Variants in HNRNPK observed in about 807,000 individuals in gnomAD.
HNRNPK encodes the protein dC-stretch binding protein.
A neutral mutation model predicts 67.0 loss-of-function variants in HNRNPK; 7 were observed. The observed-to-expected ratio is 0.10, with a 90% CI of 0.06 to 0.20. The LOEUF is 0.20. Among genes scored for constraint, HNRNPK ranks in the 10% least tolerant of loss-of-function variants. HNRNPK has a pLI of 1.00. For missense variants in HNRNPK, 264 were observed against 606.5 expected, an observed-to-expected ratio of 0.44 and a Z score of 5.93; for synonymous variants, 213 against 193.7, an observed-to-expected ratio of 1.10 and a Z score of -0.83.
At chr9:83,976,717 T>C (rs998727018) in intron 5 of HNRNPK, 3 of 289,106 alleles carry the variant, frequency 1.0e-5, no homozygotes, top group Non-Finnish European at 6.3e-6. Flanking sequence ...TGTCGCTATT[T>C]CTAATTAAGA....
At chr9:83,980,340 CG>C (rs1239467492), upstream of HNRNPK, 2 of 152,302 alleles carry the variant, frequency 1.3e-5, no homozygotes, top group African/African-American at 4.8e-5. Context: ...ATCAAGGCGA[CG>C]GAGGAGGCGA....
Position 83,974,574 on chromosome 9 carries a change from A to C in HNRNPK, c.273T>G (p.Ser91Arg). ...TTTCTCCAATTGTTTCAATATCAGC[A>C]CTGATACTCAATATGCTGTCAAACA... Reference protein sequence around the residue: ...SSGPERILSISADIETIGEIL... With the variant: ...SSGPERILSIRADIETIGEIL... The change falls in exon 7 of 17, where the codon AGT becomes AGG. Residue 91 changes from serine to arginine, a missense_variant. Ser to Arg is a moderately radical substitution (Grantham distance 110). Around this residue, in one of 6 missense-constraint regions of HNRNPK, gnomAD observed 39 missense variants for 54.4 expected, o/e 0.72. Coordinates refer to ENST00000376263, the MANE Select transcript of HNRNPK (RefSeq NM_031263.4). The C allele has an allele frequency of 6.2e-7, 1 of 1,603,968 alleles. No individual in the cohort carries two copies.
At chr9:83,973,016 A>G in intron 9 of HNRNPK, 44 bp from the exon 10 acceptor site, 2 of 1,428,168 alleles carry the variant, frequency 1.4e-6, no homozygotes, top group Non-Finnish European at 1.9e-6. Flanking sequence ...TTAGAAGAAA[A>G]TTAGCTTTCC....
At position 83,973,307 on chromosome 9, in the gene HNRNPK, A is replaced by G. The variant is rs753446007; in HGVS notation, c.495T>C (p.Ala165=). Residue 165 remains alanine, a synonymous_variant, in exon 9 of 17, where the codon GCT becomes GCC. Coordinates refer to ENST00000376263, the MANE Select transcript of HNRNPK (RefSeq NM_031263.4). ...TTACCTCTCGAAGTTCTTTGATTTTAGCACCTTTGACCCCAATAATTCCTC... is the reference window on the plus strand; with the variant it reads ...TTACCTCTCGAAGTTCTTTGATTTTGGCACCTTTGACCCCAATAATTCCTC... ...LAGGIIGVKG[A]KIKELRENTQ... The G allele has an allele frequency of 1.3e-6, 2 of 1,595,560 alleles. No homozygotes were observed. Among genetic ancestry groups the G allele is most frequent in the Non-Finnish European group, 8.6e-7 (1 of 1,165,242 alleles).
In HNRNPK at chr9:83,977,774, G is replaced by C. The variant is rs569208940; in HGVS notation, c.71C>G (p.Ala24Gly). The change falls in exon 4 of 17, where the codon GCA (alanine) becomes GGA (glycine). Residue 24 changes from alanine (A) to glycine (G), a missense_variant. By Grantham distance (60) the Ala-to-Gly change is moderately conservative. Coordinates refer to ENST00000376263, the MANE Select transcript of HNRNPK (RefSeq NM_031263.4). ...ETNGEFGKRPAEDMEEEQAFK... is the reference protein window; with the variant it reads ...ETNGEFGKRPGEDMEEEQAFK... ...TGCTTGTTCCTCTTCCATATCTTCT[G>C]CAGGGCGTTTACCTAAAAATTAACA... The C allele has an allele frequency of 1.7e-5, 28 of 1,602,160 alleles. No individual in the cohort carries two copies. The highest frequency in any genetic ancestry group is 2.4e-5 in the Non-Finnish European group (28 of 1,170,438).
upstream of HNRNPK, chr9:83,980,262 G>C (rs1957330881): frequency 6.6e-6 from 1 of 152,412 alleles, no homozygotes; most frequent in African/African-American, 2.4e-5. Context: ...CCCCGCCGTC[G>C]CGCCCTATTG....
In HNRNPK at chr9:83,978,262, T is replaced by C; in HGVS notation, c.-10A>G. 2 of 1,611,508 alleles carry C rather than the reference T, an allele frequency of 1.2e-6. No homozygotes were observed. The highest frequency in any genetic ancestry group is 1.7e-6 in the Non-Finnish European group (2 of 1,178,986). ...GCTGTTCAGTTTCCATATTCTTTTA[T>C]TAAACGGGCACACCAATCTGTGGAA... On this transcript the variant is annotated 5_prime_UTR_variant, in exon 3 of 17. Coordinates refer to ENST00000376263, the MANE Select transcript of HNRNPK (RefSeq NM_031263.4).
Position 83,971,914 on chromosome 9 carries a change from A to G in HNRNPK, c.921T>C (p.Leu307=). The change falls in exon 11 of 17, where the codon CTT becomes CTC. Residue 307 remains leucine (L), a synonymous_variant. Transcript: ENST00000376263. ...GGRGGSRARN[L]PLPPPPPPRG... Reference sequence around the variant, plus strand: ...TAGGTGGTGGTGGTGGAGGAAGAGGAAGATTCCGAGCTCTGCTACCACCCC... The same window carrying G: ...TAGGTGGTGGTGGTGGAGGAAGAGGGAGATTCCGAGCTCTGCTACCACCCC... The G allele has an allele frequency of 6.4e-7, 1 of 1,566,798 alleles. No homozygotes were observed. The highest frequency in any genetic ancestry group is 1.7e-4 in the Middle Eastern group (1 of 5,796).
At chr9:83,971,766 A>G (rs991278503) in intron 11 of HNRNPK, 40 bp from the exon 12 acceptor site, 7 of 1,601,580 alleles carry the variant, frequency 4.4e-6, no homozygotes, top group Middle Eastern at 1.7e-4. Context: ...ACGTGCTTAC[A>G]TGCCACACAT....
chr9:83,970,080 A>G (rs929788394), intron 16 of HNRNPK, 82 bp downstream of exon 16: 12 of 1,220,624 alleles, frequency 9.8e-6, no homozygotes, highest in African/African-American at 3.0e-5. Context: ...ATGGCTTCTA[A>G]AAGAAAAAAA....
At chr9:83,974,763 C>A (rs1485516094) in intron 6 of HNRNPK, 174 bp from the exon 7 acceptor site, 3 of 577,736 alleles carry the variant, frequency 5.2e-6, no homozygotes, top group Admixed American at 6.3e-5. Flanking sequence ...GTTTTATACC[C>A]AATACAGACA....
chr9:83,969,216 T>C lies in HNRNPK; in HGVS notation c.*191A>G, dbSNP rs376145578. The C allele has an allele frequency of 1.5e-6, 1 of 646,454 alleles. No homozygotes were observed. The highest frequency in any genetic ancestry group is 2.8e-5 in the Admixed American group (1 of 35,546). 40.0% of individuals were successfully genotyped at this position (646,454 alleles called of 1,614,324 possible). ...ACCCTGTTTGTAAGGAACTAAAACA[T>C]TACATCTGGTGAACAGCAAAGATTT... On this transcript the variant is annotated 3_prime_UTR_variant, in exon 17 of 17. Coordinates refer to ENST00000376263, the MANE Select transcript of HNRNPK (RefSeq NM_031263.4).
rs1183664748 is a variant in HNRNPK, at chr9:83,969,277, A to C, written c.*130T>G. The stretch of plus-strand genomic sequence containing the variant: ...CAAATGCAGAACACCTATGAAGCAG[A>C]GGAATGTTGGCTTTTTAAACAGAAG... On this transcript the variant is annotated 3_prime_UTR_variant, in exon 17 of 17. Transcript: ENST00000376263. 1 of 744,314 alleles carries C rather than the reference A, an allele frequency of 1.3e-6. No homozygotes were observed. Among genetic ancestry groups the C allele is most frequent in the Non-Finnish European group, 2.4e-6 (1 of 412,274 alleles). The allele number at this position is 744,314 out of a possible 1,614,324, so 46.1% of individuals were successfully genotyped here. A position where few individuals can be genotyped will look rare whatever the true frequency, so the allele number is the denominator to read the frequency against.
chr9:83,974,994 G>A (rs1322503736), intron 6 of HNRNPK, among the ~76,000 whole-genome samples: 1 of 152,208 alleles, frequency 6.6e-6, no homozygotes, highest in Non-Finnish European at 1.5e-5. Flanking sequence ...CATTGTATCT[G>A]GAGTAAGGTT....
chr9:83,971,373 C>T lies in HNRNPK; in HGVS notation c.1009-17G>A, dbSNP rs1225799510. 2 of 1,528,602 alleles carry T rather than the reference C, an allele frequency of 1.3e-6. No individual in the cohort carries two copies. The highest frequency in any genetic ancestry group is 1.8e-6 in the Non-Finnish European group (2 of 1,102,386). The allele number at this position is 1,528,602 out of a possible 1,614,324, so 94.7% of individuals were successfully genotyped here. Reference sequence around the variant, plus strand: ...GAAACCAACCTGTTAGAGATAAAAACATTAACATGAACCCGCATTGTATTT... The same window carrying T: ...GAAACCAACCTGTTAGAGATAAAAATATTAACATGAACCCGCATTGTATTT... On this transcript the variant is annotated splice_polypyrimidine_tract_variant and intron_variant, in intron 12 of 16. Transcript: ENST00000376263.
chr9:83,973,945 G>T lies in HNRNPK; in HGVS notation c.359C>A (p.Thr120Asn). The T allele has an allele frequency of 6.2e-7, 1 of 1,613,792 alleles. No homozygotes were observed. Among genetic ancestry groups the T allele is most frequent in the East Asian group, 2.2e-5 (1 of 44,870 alleles). The stretch of plus-strand genomic sequence containing the variant: ...ATCAGATTCGAGCGGGAGCTGGCTG[G>T]TTGCAGTGGGTGATGGCAACTGCAG... ...EGLQLPSPTATSQLPLESDAV... is the reference protein window; with the variant it reads ...EGLQLPSPTANSQLPLESDAV... Residue 120 changes from threonine to asparagine, a missense_variant, in exon 8 of 17, where the codon ACC becomes AAC. Around this residue, in one of 6 missense-constraint regions of HNRNPK, gnomAD observed 39 missense variants for 54.4 expected, o/e 0.72. Transcript: ENST00000376263.
chr9:83,970,583 A>T lies in HNRNPK; in HGVS notation c.1191+154T>A, dbSNP rs1049381888. On this transcript the variant is annotated intron_variant, in intron 15 of 16. Coordinates refer to ENST00000376263, the MANE Select transcript of HNRNPK (RefSeq NM_031263.4). ...TAGCACTGATCACTTGACAAGACTC[A>T]AACAGCTGAAAACCCAGCTCACTAA... 6.3e-5 allele frequency: 42 copies of T among 669,412 alleles called. 2 individuals are homozygous for T. The South Asian group carries it at 7.7e-4, about 12-fold the overall frequency. 41.5% of individuals were successfully genotyped at this position (669,412 alleles called of 1,614,324 possible).
At chr9:83,972,402 T>TC in intron 10 of HNRNPK, 1 of 553,776 alleles carries the variant, frequency 1.8e-6, no homozygotes, top group South Asian at 2.5e-5. Context: ...AAAAGTGAGT[T>TC]CTATTGCCTA....
At position 83,978,360 on chromosome 9, in the gene HNRNPK, T is replaced by G. The variant is rs1957169669; in HGVS notation, c.-28+13A>C. ...AAAAAAAAAAAAAAAAAGACATTGCTTCTAGAACGTACCAGTTATTATATA... is the reference window on the plus strand; with the variant it reads ...AAAAAAAAAAAAAAAAAGACATTGCGTCTAGAACGTACCAGTTATTATATA... On this transcript the variant is annotated intron_variant, in intron 2 of 16. Transcript: ENST00000376263. 2.0e-6 allele frequency: 3 copies of G among 1,520,116 alleles called. No individual in the cohort carries two copies. The highest frequency in any genetic ancestry group is 4.8e-5 in the Admixed American group (2 of 41,924). The allele number at this position is 1,520,116 out of a possible 1,614,324, so 94.2% of individuals were successfully genotyped here.
Sources: gnomAD v4.1 joint callset for allele counts (sites outside exome capture counted in the v4.1 genomes callset) on GRCh38, gnomAD v4.1.1 for gene constraint, gnomAD v4.1.1 regional missense constraint, MANE v1.5 for transcripts, NCBI Gene and HGNC (gene_info 2026-07-23, HGNC 2026-07-21) for gene names.